Variants in TBC1D23 observed in about 807,000 individuals in gnomAD.
TBC1D23 encodes the protein TBC1 domain family member 23, also known as HCV non-structural protein 4A-transactivated protein 1.
Under a neutral mutation model 91.4 loss-of-function variants are expected in TBC1D23, and 55 were observed. The ratio of observed to expected loss-of-function variants is 0.60; its 90% confidence interval spans 0.48 to 0.75. TBC1D23 has a LOEUF of 0.75. Among genes scored for constraint, TBC1D23 ranks in the 30% least tolerant of loss-of-function variants. The pLI is 0.00. For synonymous variants in TBC1D23, 289 were observed against 281.0 expected (o/e 1.03, Z -0.28); for missense variants, 725 against 836.1 (o/e 0.87, Z 1.64).
At chr3:100,298,339 A>G (rs753814712) in intron 9 of TBC1D23, among the ~76,000 whole-genome samples, 8 of 152,200 alleles carry the variant, frequency 5.3e-5, no homozygotes, top group Non-Finnish European at 1.0e-4. Context: ...GTGGCATTGT[A>G]TAAAATACTT....
intron 13 of TBC1D23, among the ~76,000 whole-genome samples, chr3:100,307,383 C>G (rs1325270389): frequency 1.3e-5 from 2 of 152,212 alleles, no homozygotes; most frequent in Admixed American, 6.5e-5. Flanking sequence ...CTACAACTTA[C>G]TTTCTTCATG....
intron 1 of TBC1D23, among the ~76,000 whole-genome samples, chr3:100,268,014 T>TA (rs2067570600): frequency 1.3e-5 from 2 of 151,646 alleles, no homozygotes; most frequent in African/African-American, 2.4e-5. Flanking sequence ...TTACTAAAAA[T>TA]AAAAAAAATT....
intron 1 of TBC1D23, among the ~76,000 whole-genome samples, chr3:100,272,257 A>G (rs1319246665): frequency 2.0e-5 from 3 of 152,224 alleles, no homozygotes; most frequent in Non-Finnish European, 1.5e-5. Context: ...ATAAAGTAGT[A>G]CATGTGCCAC....
intron 10 of TBC1D23, 46 bp downstream of exon 10, chr3:100,299,377 C>G (rs771511703): frequency 7.9e-7 from 1 of 1,260,508 alleles, no homozygotes; most frequent in Non-Finnish European, 1.1e-6. Flanking sequence ...ACTTTTTTTC[C>G]TTCAGTTCAT....
intron 1 of TBC1D23, among the ~76,000 whole-genome samples, chr3:100,269,587 A>T (rs1203233100): frequency 6.6e-6 from 1 of 152,222 alleles, no homozygotes; most frequent in African/African-American, 2.4e-5. Flanking sequence ...GTTGCACAAG[A>T]CATACTGTGG....
chr3:100,300,536 C>G (rs1326292366), intron 10 of TBC1D23, among the ~76,000 whole-genome samples: 1 of 134,712 alleles, frequency 7.4e-6, no homozygotes, highest in Non-Finnish European at 1.5e-5. Flanking sequence ...AGTTTCTACT[C>G]TGCCACTCAG....
At chr3:100,266,286 T>C (rs574343746) in intron 1 of TBC1D23, among the ~76,000 whole-genome samples, 2 of 152,298 alleles carry the variant, frequency 1.3e-5, no homozygotes, top group African/African-American at 4.8e-5. Context: ...TTTTTTTTTT[T>C]TGAGACGGAG....
rs57164675 is a variant in TBC1D23 at position 100,288,242 on chromosome 3, T to TAA, written c.477-2323_477-2322dup. 8.3e-4 allele frequency among the ~76,000 whole-genome samples: 116 copies of TAA among 139,476 alleles called. No homozygotes were observed. The South Asian group carries it at 0.011, about 13-fold the overall frequency. 91.5% of individuals were successfully genotyped at this position (139,476 alleles called of 152,430 possible). ...GCCTGGGCAACAGTGAGACCCTGTC[T>TAA]AAAAAAAAAAAAAATTAAAAAATTA... On this transcript the variant is annotated intron_variant, in intron 4 of 18. Coordinates refer to ENST00000394144, the MANE Select transcript of TBC1D23 (RefSeq NM_001199198.3).
At chr3:100,297,662 G>T (rs1381738991) in intron 8 of TBC1D23, among the ~76,000 whole-genome samples, 1 of 150,638 alleles carries the variant, frequency 6.6e-6, no homozygotes, top group African/African-American at 2.4e-5. Flanking sequence ...ATTAACTACA[G>T]GTGGTAGTAT....
At chr3:100,290,832 G>T in intron 5 of TBC1D23, 131 bp downstream of exon 5, 8 of 652,902 alleles carry the variant, frequency 1.2e-5, no homozygotes, top group Non-Finnish European at 1.9e-5. Flanking sequence ...AACCAAAGGG[G>T]TAAAATTATT....
intron 4 of TBC1D23, among the ~76,000 whole-genome samples, chr3:100,288,620 A>G (rs898902927): frequency 1.3e-5 from 2 of 152,226 alleles, no homozygotes; most frequent in Non-Finnish European, 2.9e-5. Flanking sequence ...GGCACATGGT[A>G]TTTCCTCAAT....
At chr3:100,277,068 C>T (rs2148852721) in intron 1 of TBC1D23, among the ~76,000 whole-genome samples, 1 of 152,240 alleles carries the variant, frequency 6.6e-6, no homozygotes, top group South Asian at 2.1e-4. Flanking sequence ...AAAACACAGC[C>T]CACCCACTCA....
At chr3:100,283,901 A>T (rs2067718359) in intron 4 of TBC1D23, 90 bp downstream of exon 4, 1 of 699,640 alleles carries the variant, frequency 1.4e-6, no homozygotes, top group African/African-American at 1.8e-5. Context: ...CTTTGGCGGT[A>T]AAGTAAAAGG....
At chr3:100,297,705 T>TC (rs397799838) in intron 8 of TBC1D23, among the ~76,000 whole-genome samples, 2 of 151,886 alleles carry the variant, frequency 1.3e-5, no homozygotes, top group Non-Finnish European at 2.9e-5. Context: ...GTTTTTTTTT[T>TC]CTTAGTCTTT....
chr3:100,305,702 A>T lies in TBC1D23; in HGVS notation c.1307-735A>T, dbSNP rs148758183. Among the ~76,000 whole-genome samples the T allele has an allele frequency of 4.7e-3, 713 of 152,270 alleles. 2 individuals are homozygous for T. The highest frequency in any genetic ancestry group is 6.4e-3 in the Non-Finnish European group (433 of 67,988). ...CATTAGGATGTATTTCCTCCTGGTC[A>T]TTGTTGATATTAACAAGGATTATGA... On this transcript the variant is annotated intron_variant, in intron 12 of 18. Transcript: ENST00000394144.
At chr3:100,301,842 G>C in intron 10 of TBC1D23, 1 of 427,694 alleles carries the variant, frequency 2.3e-6, no homozygotes, top group Admixed American at 4.5e-5. Context: ...TATTTTCTTT[G>C]CATCAATCTT....
At chr3:100,264,267 C>A (rs12696084) in intron 1 of TBC1D23, among the ~76,000 whole-genome samples, 1 of 151,888 alleles carries the variant, frequency 6.6e-6, no homozygotes, top group Non-Finnish European at 1.5e-5. Flanking sequence ...CCCATCCATC[C>A]GGGTGTTCTA....
chr3:100,302,550 T>G (rs541628519), intron 11 of TBC1D23, among the ~76,000 whole-genome samples: 6 of 152,198 alleles, frequency 3.9e-5, no homozygotes, highest in Admixed American at 1.3e-4. Context: ...GATCTATTTC[T>G]GGATTATTAT....
chr3:100,308,300 C>T (rs1436748991), intron 13 of TBC1D23, among the ~76,000 whole-genome samples: 2 of 151,990 alleles, frequency 1.3e-5, no homozygotes, highest in Non-Finnish European at 2.9e-5. Flanking sequence ...ACGGTGAAAC[C>T]CCGTCTCTAC....
Sources: allele counts gnomAD v4.1 joint callset (sites outside exome capture counted in the v4.1 genomes callset), GRCh38; gene constraint gnomAD v4.1.1; transcripts MANE v1.5; gene names NCBI Gene and HGNC (gene_info 2026-07-23, HGNC 2026-07-21).